The following NXPH1 variants were observed in gnomAD, a reference collection of about 807,000 sequenced individuals.
NXPH1 encodes neurexophilin-1.
NXPH1 carries 5 observed loss-of-function variants against 23.7 expected under a neutral mutation model. The observed-to-expected ratio is 0.21, with a 90% confidence interval of 0.11 to 0.44. The LOEUF (loss-of-function observed/expected upper bound fraction) is 0.44. Among genes scored for constraint, NXPH1 ranks in the 20% least tolerant of loss-of-function variants. NXPH1 has a pLI of 0.99. For synonymous variants in NXPH1, 144 were observed against 122.2 expected (o/e 1.18, Z -1.18); for missense variants, 324 against 321.6 (o/e 1.01, Z -0.06).
intron 2 of NXPH1, among the ~76,000 whole-genome samples, chr7:8,530,886 G>A (rs1817940309): frequency 1.3e-5 from 2 of 152,142 alleles, no homozygotes; most frequent in South Asian, 4.1e-4. Context: ...CTGAAGGGAG[G>A]GGGTTAAATT....
chr7:8,579,030 G>T (rs910435118), intron 2 of NXPH1, among the ~76,000 whole-genome samples: 1 of 152,178 alleles, frequency 6.6e-6, no homozygotes, highest in Non-Finnish European at 1.5e-5. Context: ...AGAGAAGCAG[G>T]CAGAGGCCAG....
intron 2 of NXPH1, among the ~76,000 whole-genome samples, chr7:8,526,151 G>A (rs1044049080): frequency 5.9e-5 from 9 of 152,250 alleles, no homozygotes; most frequent in African/African-American, 2.2e-4. Context: ...TTGCATCAGC[G>A]TGAGCTGGAT....
chr7:8,646,863 AT>A (rs57038153), intron 2 of NXPH1, among the ~76,000 whole-genome samples: 105,217 of 149,982 alleles, frequency 0.7, 37,606 homozygotes, highest in East Asian at 1. Flanking sequence ...GGTTTCTGTC[AT>A]TTTTTTTTTT....
At chr7:8,437,613 A>G (rs1299710622) in intron 2 of NXPH1, among the ~76,000 whole-genome samples, 1 of 152,230 alleles carries the variant, frequency 6.6e-6, no homozygotes, top group Non-Finnish European at 1.5e-5. Flanking sequence ...AGCAGAAGTG[A>G]AATCAATACT....
chr7:8,737,121 C>CT (rs1780273503), intron 2 of NXPH1, among the ~76,000 whole-genome samples: 2 of 152,070 alleles, frequency 1.3e-5, no homozygotes, highest in Non-Finnish European at 2.9e-5. Flanking sequence ...GAGCTTTTAG[C>CT]CCATTTACAT....
chr7:8,451,266 A>C (rs1816502569), intron 2 of NXPH1, among the ~76,000 whole-genome samples: 1 of 152,088 alleles, frequency 6.6e-6, no homozygotes, highest in African/African-American at 2.4e-5. Flanking sequence ...CGGGTGTCTG[A>C]ATTATTTTTA....
chr7:8,668,812 G>T (rs890549432), intron 2 of NXPH1, among the ~76,000 whole-genome samples: 1 of 152,178 alleles, frequency 6.6e-6, no homozygotes. Context: ...GGCTGGCCTG[G>T]AGCCTGGGTC....
chr7:8,439,673 G>T (rs187639532), intron 2 of NXPH1, among the ~76,000 whole-genome samples: 2 of 152,200 alleles, frequency 1.3e-5, no homozygotes, highest in Admixed American at 1.3e-4. Flanking sequence ...CTCAAATTTG[G>T]GATATCCTTA....
At chr7:8,629,484 T>C (rs1339134193) in intron 2 of NXPH1, among the ~76,000 whole-genome samples, 1 of 152,148 alleles carries the variant, frequency 6.6e-6, no homozygotes, top group Non-Finnish European at 1.5e-5. Flanking sequence ...GGGGGAGATA[T>C]TTCATTTAAA....
intron 2 of NXPH1, among the ~76,000 whole-genome samples, chr7:8,545,716 T>C (rs968774586): frequency 4.0e-5 from 6 of 151,534 alleles, no homozygotes; most frequent in African/African-American, 1.5e-4. Flanking sequence ...AAAGAAATTA[T>C]AAATATCAAC....
chr7:8,582,065 C>G (rs951559023), intron 2 of NXPH1, among the ~76,000 whole-genome samples: 1 of 152,142 alleles, frequency 6.6e-6, no homozygotes, highest in East Asian at 1.9e-4. Context: ...GCAGGGTGGG[C>G]AGCTCCGGGC....
At chr7:8,586,650 C>T (rs1032805013) in intron 2 of NXPH1, among the ~76,000 whole-genome samples, 2 of 148,036 alleles carry the variant, frequency 1.4e-5, no homozygotes, top group African/African-American at 5.2e-5. Context: ...TATATATACA[C>T]ACACACACAC....
At chr7:8,548,404 A>G (rs943807293) in intron 2 of NXPH1, among the ~76,000 whole-genome samples, 6 of 151,558 alleles carry the variant, frequency 4.0e-5, no homozygotes, top group African/African-American at 1.5e-4. Context: ...AAAGGAATCC[A>G]GAAGAATGTG....
chr7:8,581,882 G>A (rs139791506), intron 2 of NXPH1, among the ~76,000 whole-genome samples: 3 of 152,254 alleles, frequency 2.0e-5, no homozygotes, highest in African/African-American at 7.2e-5. Context: ...TGCTTTGCTA[G>A]CCAGAAACCT....
rs891095927 is a variant in NXPH1 at position 8,676,974 on chromosome 7, C to T, written c.55-74034C>T. ...CCTGCTACAAATTTACACTGTTCAGCAAATACTGGGTCTCTATGTTTTGTT... is the reference window on the plus strand; with the variant it reads ...CCTGCTACAAATTTACACTGTTCAGTAAATACTGGGTCTCTATGTTTTGTT... On this transcript the variant is annotated intron_variant, in intron 2 of 2. Transcript: ENST00000405863. Among the ~76,000 whole-genome samples the T allele has an allele frequency of 5.3e-5, 8 of 152,182 alleles. No homozygotes were observed. In the South Asian group the frequency reaches 1.4e-3, roughly 28 times the overall value.
chr7:8,752,036 G>A lies in NXPH1; in HGVS notation c.*267G>A, dbSNP rs778996609. 4.7e-5 allele frequency: 17 copies of A among 360,318 alleles called. No individual in the cohort carries two copies. The highest frequency in any genetic ancestry group is 1.7e-4 in the Admixed American group (4 of 24,194). The allele number at this position is 360,318 out of a possible 1,614,324, so 22.3% of individuals were successfully genotyped here. On this transcript the variant is annotated 3_prime_UTR_variant, in exon 3 of 3. Transcript: ENST00000405863. ...ACATATAGAGGTACACAAACACACCGTCATGCACATTTCAGCTTGCGTCTA... is the reference window on the plus strand; with the variant it reads ...ACATATAGAGGTACACAAACACACCATCATGCACATTTCAGCTTGCGTCTA...
chr7:8,687,407 T>C lies in NXPH1; in HGVS notation c.55-63601T>C, dbSNP rs1429619501. Among the ~76,000 whole-genome samples, 8 of 152,288 alleles carry C rather than the reference T, an allele frequency of 5.3e-5. No homozygotes were observed. In the East Asian group the frequency reaches 1.5e-3, roughly 29 times the overall value. On this transcript the variant is annotated intron_variant, in intron 2 of 2. Transcript: ENST00000405863. Reference sequence around the variant, plus strand: ...AATTTTAGGCCCAGTATTACTAATTTTTTCCCATTTGATATTTAGCTTGTG... The same window carrying C: ...AATTTTAGGCCCAGTATTACTAATTCTTTCCCATTTGATATTTAGCTTGTG...
Position 8,572,780 on chromosome 7 carries a change from T to G in NXPH1, c.54+137013T>G, listed in dbSNP as rs554588276. 1.4e-4 allele frequency among the ~76,000 whole-genome samples: 21 copies of G among 152,126 alleles called. No individual in the cohort carries two copies. In the South Asian group the frequency reaches 2.9e-3, roughly 21 times the overall value. ...TTTTTTCAATTAAATTCAACAAATA[T>G]ATCAAACAGAATATGCAATTAAAAA... On this transcript the variant is annotated intron_variant, in intron 2 of 2. Transcript: ENST00000405863.
At chr7:8,557,277 AAACAACAACAAC>A (rs56699161) in intron 2 of NXPH1, among the ~76,000 whole-genome samples, 3 of 150,988 alleles carry the variant, frequency 2.0e-5, no homozygotes, top group Non-Finnish European at 4.4e-5. Flanking sequence ...TTAAGTGTTA[AAACAACAACAAC>A]AACAACAACA....
Sources: allele counts gnomAD v4.1 joint callset (sites outside exome capture counted in the v4.1 genomes callset), GRCh38; gene constraint gnomAD v4.1.1; transcripts MANE v1.5; gene names NCBI Gene and HGNC (gene_info 2026-07-23, HGNC 2026-07-21).